Variants in SLC16A12 observed in about 807,000 individuals in gnomAD.
The protein encoded by SLC16A12 is solute carrier family 16 member 12.
SLC16A12 carries 17 observed loss-of-function variants against 42.4 expected under a neutral mutation model. That is an observed-to-expected ratio of 0.40 (90% CI 0.27 to 0.60). The LOEUF (loss-of-function observed/expected upper bound fraction) is 0.60, where lower values mean the gene tolerates loss of function less well. Among genes scored for constraint, SLC16A12 ranks in the 20% least tolerant of loss-of-function variants. The pLI is 0.42. For missense variants in SLC16A12, 544 were observed against 623.0 expected (o/e 0.87, Z 1.35); for synonymous variants, 224 against 229.4 (o/e 0.98, Z 0.21).
upstream of SLC16A12, among the ~76,000 whole-genome samples, chr10:89,535,917 C>G (rs180982909): frequency 6.6e-6 from 1 of 152,354 alleles, no homozygotes; most frequent in East Asian, 1.9e-4. Flanking sequence ...GCTCGGCCTT[C>G]GAAATGCACC....
intron 2 of SLC16A12, among the ~76,000 whole-genome samples, chr10:89,516,061 C>T (rs1463861611): frequency 1.3e-5 from 2 of 152,070 alleles, no homozygotes; most frequent in Admixed American, 6.6e-5. Context: ...GGCCTAAAAG[C>T]GAACAAAATC....
At position 89,438,949 on chromosome 10, in the gene SLC16A12, G is replaced by A; in HGVS notation, c.683C>T (p.Thr228Ile). 6.2e-7 allele frequency: 1 copy of A among 1,614,188 alleles called. No homozygotes were observed. Among genetic ancestry groups the A allele is most frequent in the Non-Finnish European group, 8.5e-7 (1 of 1,180,030 alleles). Reference protein sequence around the residue: ...CVCGALMRPITLKEDHTTPEQ... With the variant: ...CVCGALMRPIILKEDHTTPEQ... ...TGGAGTTGTGTGGTCCTCTTTAAGA[G>A]TAATTGGCCTCATCAAGGCACCACA... Residue 228 changes from threonine to isoleucine, a missense_variant, in exon 6 of 8, where the codon ACT becomes ATT. Physicochemically the swap from Thr to Ile is moderately conservative, Grantham distance 89. Coordinates refer to ENST00000371790, the MANE Select transcript of SLC16A12 (RefSeq NM_213606.4).
chr10:89,505,952 T>C (rs966460924), intron 2 of SLC16A12, among the ~76,000 whole-genome samples: 1 of 152,102 alleles, frequency 6.6e-6, no homozygotes, highest in Non-Finnish European at 1.5e-5. Context: ...GCTCACAGTG[T>C]AAACAAAGCC....
At chr10:89,538,932 A>G (rs925665526), upstream of SLC16A12, among the ~76,000 whole-genome samples, 1 of 152,204 alleles carries the variant, frequency 6.6e-6, no homozygotes, top group South Asian at 2.1e-4. Context: ...CCCATTGACA[A>G]CTGATCACCC....
Position 89,430,326 on chromosome 10 carries a change from G to T in SLC16A12, c.*2738C>A. ...CAGGACAATAAATTCATTTTATTTTGCTTTTGAAATAAGAAAATATTAGCA... is the reference window on the plus strand; with the variant it reads ...CAGGACAATAAATTCATTTTATTTTTCTTTTGAAATAAGAAAATATTAGCA... On this transcript the variant is annotated 3_prime_UTR_variant, in exon 8 of 8. Transcript: ENST00000371790. The T allele has an allele frequency of 4.4e-6, 1 of 228,252 alleles. No individual in the cohort carries two copies. The highest frequency in any genetic ancestry group is 5.6e-5 in the South Asian group (1 of 17,936). The allele number at this position is 228,252 out of a possible 1,614,324, so 14.1% of individuals were successfully genotyped here.
At chr10:89,536,270 C>G (rs1394867941), upstream of SLC16A12, among the ~76,000 whole-genome samples, 5 of 152,174 alleles carry the variant, frequency 3.3e-5, no homozygotes, top group African/African-American at 1.2e-4. Flanking sequence ...CCGGACCCTG[C>G]TAGCCAATCC....
intron 5 of SLC16A12, 61 bp downstream of exon 5, chr10:89,441,047 T>C (rs1053990105): frequency 6.9e-6 from 11 of 1,593,120 alleles, no homozygotes; most frequent in Admixed American, 1.7e-5. Context: ...ACTTCTCTGT[T>C]GATGTGCTTG....
intron 2 of SLC16A12, among the ~76,000 whole-genome samples, chr10:89,541,918 ATAT>A (rs1425283780): frequency 2.0e-5 from 3 of 152,194 alleles, no homozygotes; most frequent in African/African-American, 7.2e-5. Context: ...AAGTTTTCTA[ATAT>A]TATTTAATTT....
chr10:89,435,766 CT>C (rs1318143574), intron 7 of SLC16A12, among the ~76,000 whole-genome samples: 6 of 152,100 alleles, frequency 3.9e-5, no homozygotes, highest in Non-Finnish European at 7.4e-5. Context: ...ATTTATAAGG[CT>C]GAACAACTGC....
In SLC16A12 at chr10:89,433,302, C is replaced by T; in HGVS notation, c.1313G>A (p.Ser438Asn). 1.2e-6 allele frequency: 2 copies of T among 1,614,014 alleles called. No individual in the cohort carries two copies. The highest frequency in any genetic ancestry group is 2.2e-5 in the East Asian group (1 of 44,880). ...IAGRLVDTTG[S>N]YTAAFLLCGF... ...ACAGAGGAGGAATGCTGCAGTGTAGCTGCCGGTGGTATCTACCAGCCGTCC... is the reference window on the plus strand; with the variant it reads ...ACAGAGGAGGAATGCTGCAGTGTAGTTGCCGGTGGTATCTACCAGCCGTCC... Residue 438 changes from serine (S) to asparagine (N), a missense_variant, in exon 8 of 8, where the codon AGC (serine) becomes AAC (asparagine). By Grantham distance (46) the Ser-to-Asn change is conservative. Coordinates refer to ENST00000371790, the MANE Select transcript of SLC16A12 (RefSeq NM_213606.4).
upstream of SLC16A12, among the ~76,000 whole-genome samples, chr10:89,540,036 T>C (rs950370049): frequency 6.6e-6 from 1 of 151,162 alleles, no homozygotes; most frequent in African/African-American, 2.4e-5. Context: ...CTTCCTTTCT[T>C]TTCTCTGGCT....
At position 89,553,919 on chromosome 10, in the gene SLC16A12, C is replaced by T. The variant is rs191036813; in HGVS notation, c.-47+1963G>A. Among the ~76,000 whole-genome samples, 573 of 151,148 alleles carry T rather than the reference C, an allele frequency of 3.8e-3. 5 individuals are homozygous for T. Among genetic ancestry groups the T allele is most frequent in the African/African-American group, 0.013 (544 of 41,096 alleles). On this transcript the variant is annotated intron_variant, in intron 2 of 2. Coordinates refer to the SLC16A12 transcript ENST00000475682. ...GCTGAGGCAGAGAATAGCTTGAACC[C>T]GGGAGGCAGAAGTTGCAGTGAGTCA... is the stretch of plus-strand genomic sequence containing the variant.
chr10:89,473,311 T>G (rs1371712364), intron 2 of SLC16A12, among the ~76,000 whole-genome samples: 2 of 152,336 alleles, frequency 1.3e-5, no homozygotes, highest in Admixed American at 1.3e-4. Context: ...CACATTATAT[T>G]AGTGGAACGG....
At chr10:89,549,849 G>C (rs1483925595) in intron 2 of SLC16A12, among the ~76,000 whole-genome samples, 1 of 152,148 alleles carries the variant, frequency 6.6e-6, no homozygotes, top group Non-Finnish European at 1.5e-5. Context: ...AAATTTGAGA[G>C]CCATGACCTA....
rs925083561 is a variant in SLC16A12, at chr10:89,436,854, G to T, written c.1029-535C>A. On this transcript the variant is annotated intron_variant, in intron 6 of 7. Coordinates refer to ENST00000371790, the MANE Select transcript of SLC16A12 (RefSeq NM_213606.4). ...AGGAAATAAGGAGAAAGAAAGAAAA[G>T]AAAGAAATAAAGAAAAAGAAAGAAA... 2.7e-4 allele frequency among the ~76,000 whole-genome samples: 31 copies of T among 116,056 alleles called. 1 individual carries two copies. Among genetic ancestry groups the T allele is most frequent in the East Asian group, 1.5e-3 (6 of 4,000 alleles). 76.1% of individuals were successfully genotyped at this position (116,056 alleles called of 152,430 possible).
chr10:89,443,992 A>C (rs975127572), intron 3 of SLC16A12, 133 bp from the exon 4 acceptor site: 5 of 692,868 alleles, frequency 7.2e-6, no homozygotes, highest in African/African-American at 7.0e-5. Flanking sequence ...ATAAGTGGGA[A>C]ATCAGAAGCT....
chr10:89,460,964 C>T (rs1323753180), intron 3 of SLC16A12, among the ~76,000 whole-genome samples: 2 of 152,136 alleles, frequency 1.3e-5, no homozygotes, highest in Admixed American at 1.3e-4. Context: ...ACATCTTATT[C>T]TATCCTGCAC....
At chr10:89,505,538 C>T (rs982303180) in intron 2 of SLC16A12, among the ~76,000 whole-genome samples, 3 of 152,100 alleles carry the variant, frequency 2.0e-5, no homozygotes, top group Non-Finnish European at 2.9e-5. Flanking sequence ...TCTGCATTTC[C>T]AACTGAGGTA....
intron 3 of SLC16A12, among the ~76,000 whole-genome samples, chr10:89,458,327 A>G (rs1012384844): frequency 6.6e-6 from 1 of 152,176 alleles, no homozygotes; most frequent in African/African-American, 2.4e-5. Context: ...TATGAGTTTC[A>G]TGCTCTTCAT....
Sources: gnomAD v4.1 joint callset for allele counts (sites outside exome capture counted in the v4.1 genomes callset) on GRCh38, gnomAD v4.1.1 for gene constraint, MANE v1.5 for transcripts, NCBI Gene and HGNC (gene_info 2026-07-23, HGNC 2026-07-21) for gene names.